Variants in MSL3 observed in about 807,000 individuals in gnomAD.
MSL3 encodes the protein MSL complex subunit 3, also known as MSL3-like 1.
Under a neutral mutation model 37.2 loss-of-function variants are expected in MSL3, and 5 were observed. The ratio of observed to expected loss-of-function variants is 0.13; its 90% CI spans 0.07 to 0.28. The LOEUF is 0.28. MSL3 is among the 10% of genes least tolerant of loss of function. The probability of loss-of-function intolerance (pLI) is 1.00; values close to 1 mark genes in which losing one functional copy is unlikely to be tolerated. For missense variants in MSL3, 315 were observed against 408.5 expected (o/e 0.77, Z 1.97); for synonymous variants, 149 against 147.6 (o/e 1.01, Z -0.07).
intron 9 of MSL3, chrX:11,766,835 A>G (rs996581071): frequency 4.0e-6 from 3 of 754,451 alleles, no homozygotes; most frequent in Non-Finnish European, 4.7e-6. Context: ...TGTGAAATCT[A>G]AGACACCCCT....
chrX:11,772,721 T>A lies in MSL3; in HGVS notation c.1466+16T>A. On this transcript the variant is annotated intron_variant, in intron 12 of 12. Transcript: ENST00000312196. ...TCTTTTTGAGGTATTTTTATTATTTTGTCAAAACTTACACCTGTTGCCATA... is the reference window on the plus strand; with the variant it reads ...TCTTTTTGAGGTATTTTTATTATTTAGTCAAAACTTACACCTGTTGCCATA... 3 of 1,058,203 alleles carry A rather than the reference T, an allele frequency of 2.8e-6. No individual in the cohort carries two copies. Among genetic ancestry groups the A allele is most frequent in the Non-Finnish European group, 3.9e-6 (3 of 765,013 alleles). 87.2% of individuals were successfully genotyped at this position (1,058,203 alleles called of 1,213,427 possible).
At chrX:11,758,461 G>A in intron 1 of MSL3, 96 bp downstream of exon 1, 1 of 945,779 alleles carries the variant, frequency 1.1e-6, no homozygotes, top group Non-Finnish European at 1.4e-6. Context: ...CTGAGGGACC[G>A]GCCGGGCTCC....
intron 9 of MSL3, chrX:11,766,755 C>T (rs946876965): frequency 8.1e-5 from 61 of 753,357 alleles, no homozygotes; most frequent in Non-Finnish European, 9.4e-5. Context: ...CGCCAGCAGG[C>T]GCCAAGCACC....
Position 11,772,136 on chromosome X carries a change from T to C in MSL3, c.1282-20T>C, listed in dbSNP as rs1163756187. 2 of 1,132,484 alleles carry C rather than the reference T, an allele frequency of 1.8e-6. No homozygotes were observed. 93.3% of individuals were successfully genotyped at this position (1,132,484 alleles called of 1,213,427 possible). A position where few individuals can be genotyped will look rare whatever the true frequency, so the allele number is the denominator to read the frequency against. Reference sequence around the variant, plus strand: ...TCTCCATTAAGAATAACAAAAGCATTCAATTCGTGCTTTTTCCAGGTCCTC... The same window carrying C: ...TCTCCATTAAGAATAACAAAAGCATCCAATTCGTGCTTTTTCCAGGTCCTC... On this transcript the variant is annotated intron_variant, in intron 10 of 12. Coordinates refer to ENST00000312196, the MANE Select transcript of MSL3 (RefSeq NM_078629.4).
intron 5 of MSL3, among the ~76,000 whole-genome samples, 157 bp from the exon 6 acceptor site, chrX:11,761,973 A>G (rs1398764235): frequency 1.8e-5 from 2 of 112,432 alleles, no homozygotes; most frequent in African/African-American, 6.5e-5. Flanking sequence ...AGTGCCCCCA[A>G]ACAAGTTAAC....
At chrX:11,770,454 A>G (rs1411003017) in intron 10 of MSL3, among the ~76,000 whole-genome samples, 1 of 112,042 alleles carries the variant, frequency 8.9e-6, no homozygotes, top group East Asian at 2.8e-4. Flanking sequence ...TGCGCCATCT[A>G]GTGGTTATAG....
intron 10 of MSL3, among the ~76,000 whole-genome samples, chrX:11,771,487 G>T (rs1468366869): frequency 5.3e-5 from 6 of 112,606 alleles, no homozygotes; most frequent in Non-Finnish European, 7.5e-5. Context: ...AGAAATTAAG[G>T]AATCTTGAAA....
At chrX:11,763,437 G>C (rs1456617383) in intron 7 of MSL3, among the ~76,000 whole-genome samples, 1 of 112,699 alleles carries the variant, frequency 8.9e-6, no homozygotes, top group Admixed American at 9.3e-5. Flanking sequence ...TTAAAGCAAG[G>C]GTTAGGGATT....
chrX:11,765,810 G>C (rs1047921779), intron 9 of MSL3, 81 bp downstream of exon 9: 1 of 1,172,848 alleles, frequency 8.5e-7, no homozygotes, highest in Non-Finnish European at 1.1e-6. Flanking sequence ...ATGGTGCTGA[G>C]GTTACATGTG....
chrX:11,767,919 TTTTTAAAAAGACTG>T (rs1191462359), intron 9 of MSL3: 1 of 753,021 alleles, frequency 1.3e-6, no homozygotes, highest in African/African-American at 2.3e-5. Flanking sequence ...GCTGGGAAAA[TTTTTAAAAAGACTG>T]TTTTTAAAAA....
rs1190990344 is a variant in MSL3 at position 11,760,945 on chromosome X, G to C, written c.382+8G>C. 8.8e-7 allele frequency: 1 copy of C among 1,136,415 alleles called. No homozygotes were observed. Among genetic ancestry groups the C allele is most frequent in the African/African-American group, 1.8e-5 (1 of 55,256 alleles). The allele number at this position is 1,136,415 out of a possible 1,213,427, so 93.7% of individuals were successfully genotyped here. On this transcript the variant is annotated splice_region_variant and intron_variant, in intron 4 of 12. Coordinates refer to ENST00000312196, the MANE Select transcript of MSL3 (RefSeq NM_078629.4). The stretch of plus-strand genomic sequence containing the variant: ...ATGAAAATGATGAAAACTGTGAGTA[G>C]CTTCACTTCATTTCTTTTGGCTGAA...
chrX:11,761,986 T>C, intron 5 of MSL3, 144 bp from the exon 6 acceptor site: 1 of 450,231 alleles, frequency 2.2e-6, no homozygotes, highest in Non-Finnish European at 3.7e-6. Flanking sequence ...AAGTTAACTT[T>C]TGGCCTTTAA....
chrX:11,774,763 C>G (rs2053260386), intron 12 of MSL3, among the ~76,000 whole-genome samples: 1 of 110,716 alleles, frequency 9.0e-6, no homozygotes. Context: ...CATTTGTACA[C>G]CTGATGATGG....
At chrX:11,767,308 A>T in intron 9 of MSL3, 1 of 730,739 alleles carries the variant, frequency 1.4e-6, no homozygotes, top group East Asian at 1.5e-4. Context: ...AAACAGCTTG[A>T]TTGAGATATA....
At chrX:11,766,846 C>T (rs888372077) in intron 9 of MSL3, 1 of 753,090 alleles carries the variant, frequency 1.3e-6, no homozygotes, top group African/African-American at 2.3e-5. Flanking sequence ...AGACACCCCT[C>T]ATAAATATCA....
At chrX:11,759,350 AG>A (rs371619058) in intron 1 of MSL3, among the ~76,000 whole-genome samples, 2,508 of 102,277 alleles carry the variant, frequency 0.025, 39 homozygotes, top group African/African-American at 0.057. Flanking sequence ...CTCGGGGCGG[AG>A]GGGGGGGGGC....
intron 1 of MSL3, chrX:11,758,741 G>T (rs1282942384): frequency 4.3e-6 from 5 of 1,167,010 alleles, no homozygotes. Flanking sequence ...TGCCGGGTGG[G>T]CTCCTGTGGG....
chrX:11,766,115 A>G, intron 9 of MSL3: 1 of 870,011 alleles, frequency 1.1e-6, no homozygotes, highest in Non-Finnish European at 1.4e-6. Flanking sequence ...TAGTCTCTCC[A>G]TTCTAAAGTT....
chrX:11,769,442 C>A (rs1427190049), intron 10 of MSL3, among the ~76,000 whole-genome samples: 1 of 112,155 alleles, frequency 8.9e-6, no homozygotes, highest in East Asian at 2.8e-4. Context: ...TTTTTAAGGC[C>A]CATTAGGTGA....
Sources: gnomAD v4.1 joint callset for allele counts (sites outside exome capture counted in the v4.1 genomes callset) on GRCh38, gnomAD v4.1.1 for gene constraint, MANE v1.5 for transcripts, NCBI Gene and HGNC (gene_info 2026-07-23, HGNC 2026-07-21) for gene names.